ECI1: variants seen among roughly 807,000 people sequenced by gnomAD.
The protein encoded by ECI1 is enoyl-CoA delta isomerase 1, also known as enoyl-CoA delta isomerase 1, mitochondrial.
In ECI1, 34 loss-of-function variants were observed where a neutral mutation model predicts 34.2. The observed-to-expected ratio is 1.00, with a 90% CI of 0.76 to 1.33. The LOEUF (loss-of-function observed/expected upper bound fraction) is 1.33, where lower values mean the gene tolerates loss of function less well. ECI1 is among the 40% of genes most tolerant of loss of function. ECI1 has a pLI of 0.00. For synonymous variants in ECI1, 211 were observed against 193.0 expected, an observed-to-expected ratio of 1.09 and a Z score of -0.77; for missense variants, 456 against 422.2, an observed-to-expected ratio of 1.08 and a Z score of -0.70.
intron 6 of ECI1, among the ~76,000 whole-genome samples, chr16:2,241,476 T>C (rs1055717282): frequency 2.6e-5 from 4 of 152,052 alleles, no homozygotes; most frequent in Non-Finnish European, 4.4e-5. Flanking sequence ...TTTGTATTTT[T>C]AGTAGAGACG....
intron 2 of ECI1, among the ~76,000 whole-genome samples, chr16:2,249,559 T>C (rs1282296076): frequency 1.3e-5 from 2 of 151,550 alleles, no homozygotes; most frequent in African/African-American, 4.8e-5. Context: ...CTCGAGTGCC[T>C]CCCCACTTTA....
rs1334330654 is a variant in ECI1, at chr16:2,244,469, C to A, written c.378G>T (p.Lys126Asn). Reference protein sequence around the residue: ...RSPAHYAGYWKAVQELWLRLY... With the variant: ...RSPAHYAGYWNAVQELWLRLY... ...ACCGCAGCCACAGCTCCTGAACGGC[C>A]TTCCAGTACCCAGCGTAGTGGGCGG... The change falls in exon 4 of 7, where the codon AAG becomes AAT. Residue 126 changes from lysine (K) to asparagine (N), a missense_variant. Physicochemically the swap from Lys to Asn is moderately conservative, Grantham distance 94. Coordinates refer to ENST00000301729, the MANE Select transcript of ECI1 (RefSeq NM_001919.4). 22 of 1,611,974 alleles carry A rather than the reference C, an allele frequency of 1.4e-5. No individual in the cohort carries two copies. The highest frequency in any genetic ancestry group is 1.9e-5 in the Non-Finnish European group (22 of 1,179,566).
At position 2,243,304 on chromosome 16, in the gene ECI1, G is replaced by A; in HGVS notation, c.563+14C>T. Reference sequence around the variant, plus strand: ...ACAACAAGCATGGAGCGTGGCTGCAGCCCAGGGCCTTACCAGAAAGGGGCG... The same window carrying A: ...ACAACAAGCATGGAGCGTGGCTGCAACCCAGGGCCTTACCAGAAAGGGGCG... On this transcript the variant is annotated intron_variant, in intron 5 of 6. Coordinates refer to ENST00000301729, the MANE Select transcript of ECI1 (RefSeq NM_001919.4). 1 of 1,613,530 alleles carries A rather than the reference G, an allele frequency of 6.2e-7. No homozygotes were observed. Among genetic ancestry groups the A allele is most frequent in the Non-Finnish European group, 8.5e-7 (1 of 1,180,014 alleles).
rs150691746 is a variant in ECI1, at chr16:2,244,405, C to T, written c.441+1G>A. 34 of 1,611,966 alleles carry T rather than the reference C, an allele frequency of 2.1e-5. No individual in the cohort carries two copies. The highest frequency in any genetic ancestry group is 1.6e-4 in the Middle Eastern group (1 of 6,084). Reference sequence around the variant, plus strand: ...GGCCACCTGGGAGTGGGGACACTCACGTTGATGGCGGAGACCAGCACCAGG... The same window carrying T: ...GGCCACCTGGGAGTGGGGACACTCATGTTGATGGCGGAGACCAGCACCAGG... On this transcript the variant is annotated splice_donor_variant, in intron 4 of 6. Transcript: ENST00000301729. LOFTEE classifies it high-confidence loss of function.
intron 3 of ECI1, 89 bp downstream of exon 3, chr16:2,246,770 G>C (rs1183658264): frequency 6.3e-6 from 10 of 1,592,966 alleles, no homozygotes; most frequent in Admixed American, 1.7e-5. Flanking sequence ...GGCAGGCTCT[G>C]CCTCTTCCAT....
Position 2,243,085 on chromosome 16 carries a change from T to G in ECI1, c.703A>C (p.Thr235Pro), listed in dbSNP as rs752182585. 1 of 1,605,054 alleles carries G rather than the reference T, an allele frequency of 6.2e-7. No individual in the cohort carries two copies. The change falls in exon 6 of 7, where the codon ACT becomes CCT. Residue 235 changes from threonine (T) to proline (P), a missense_variant. Coordinates refer to ENST00000301729, the MANE Select transcript of ECI1 (RefSeq NM_001919.4). ...QVVPEEQVQSTALSAIAQWMA... is the reference protein window; with the variant it reads ...QVVPEEQVQSPALSAIAQWMA... ...CACTGGGCTATCGCTGACAGCGCAG[T>G]GCTCTGCACCTGCTCCTCCGGGACC...
intron 4 of ECI1, among the ~76,000 whole-genome samples, chr16:2,243,749 T>A (rs1439161020): frequency 1.3e-5 from 2 of 152,190 alleles, no homozygotes; most frequent in Non-Finnish European, 2.9e-5. Context: ...CTCTCAGTGC[T>A]TTTACTCAAT....
rs140542033 is a variant in ECI1 at position 2,240,051 on chromosome 16, G to C, written c.837C>G (p.Ser279Arg). 1.9e-6 allele frequency: 3 copies of C among 1,614,028 alleles called. No individual in the cohort carries two copies. The highest frequency in any genetic ancestry group is 2.5e-6 in the Non-Finnish European group (3 of 1,180,026). ...TCTGGATGGAGTCTTTGGAGATGAAGCTGACGAAGTTCTGCACGTCCGCAT... is the reference window on the plus strand; with the variant it reads ...TCTGGATGGAGTCTTTGGAGATGAACCTGACGAAGTTCTGCACGTCCGCAT... ...QRDADVQNFV[S>R]FISKDSIQKS... Residue 279 changes from serine to arginine, a missense_variant, in exon 7 of 7, where the codon AGC becomes AGG. Ser to Arg is a moderately radical substitution (Grantham distance 110). Coordinates refer to ENST00000301729, the MANE Select transcript of ECI1 (RefSeq NM_001919.4).
In ECI1 at chr16:2,239,942, G is replaced by T. The variant is rs760295331; in HGVS notation, c.*37C>A. On this transcript the variant is annotated 3_prime_UTR_variant, in exon 7 of 7. Coordinates refer to ENST00000301729, the MANE Select transcript of ECI1 (RefSeq NM_001919.4). Reference sequence around the variant, plus strand: ...TTTAAGACCTCCCTGGGACCCACAGGGGCACGTGTGGCCGTAAGCCTGTGG... The same window carrying T: ...TTTAAGACCTCCCTGGGACCCACAGTGGCACGTGTGGCCGTAAGCCTGTGG... 1.9e-6 allele frequency: 3 copies of T among 1,610,584 alleles called. No homozygotes were observed. Among genetic ancestry groups the T allele is most frequent in the Non-Finnish European group, 2.5e-6 (3 of 1,177,484 alleles).
rs2093523017 is a variant in ECI1, at chr16:2,239,617, A to G, written c.*362T>C. ...ATGGGGGCCAAGACCACCTGGCCTT[A>G]CACCTAAGAGCAGGCAGTCCAAAGG... is the stretch of plus-strand genomic sequence containing the variant. On this transcript the variant is annotated 3_prime_UTR_variant, in exon 7 of 7. Coordinates refer to ENST00000301729, the MANE Select transcript of ECI1 (RefSeq NM_001919.4). The G allele has an allele frequency of 2.8e-6, 1 of 358,888 alleles. No individual in the cohort carries two copies. The highest frequency in any genetic ancestry group is 5.4e-6 in the Non-Finnish European group (1 of 184,348). 22.2% of individuals were successfully genotyped at this position (358,888 alleles called of 1,614,324 possible). A position where few individuals can be genotyped will look rare whatever the true frequency, so the allele number is the denominator to read the frequency against.
chr16:2,243,151 G>C lies in ECI1; in HGVS notation c.637C>G (p.Pro213Ala), dbSNP rs747029298. 4.4e-6 allele frequency: 7 copies of C among 1,607,202 alleles called. No homozygotes were observed. Among genetic ancestry groups the C allele is most frequent in the Non-Finnish European group, 4.2e-6 (5 of 1,179,774 alleles). ...CCCACCTGCAGGGCCTCCGCCGGCG[G>C]GAAGAGCAGCCCCAGCTGCAGGGCA... ...ERALQLGLLFPPAEALQVGIV... is the reference protein window; with the variant it reads ...ERALQLGLLFAPAEALQVGIV... The change falls in exon 6 of 7, where the codon CCG (proline) becomes GCG (alanine). Residue 213 changes from proline (P) to alanine (A), a missense_variant. Transcript: ENST00000301729.
rs116919753 is a variant in ECI1, at chr16:2,246,040, T to A, written c.294+819A>T. On this transcript the variant is annotated intron_variant, in intron 3 of 6. Coordinates refer to ENST00000301729, the MANE Select transcript of ECI1 (RefSeq NM_001919.4). ...GCAGATCACTTGAGGTCAGGAGTTC[T>A]AGGCCAGGCCCTGTAAAGCCACGCC... 6.2e-3 allele frequency among the ~76,000 whole-genome samples: 944 copies of A among 152,196 alleles called. 9 individuals are homozygous for A. The highest frequency in any genetic ancestry group is 8.3e-3 in the Non-Finnish European group (562 of 68,006).
chr16:2,246,710 C>G, intron 3 of ECI1, 149 bp downstream of exon 3: 1 of 1,224,446 alleles, frequency 8.2e-7, no homozygotes, highest in Non-Finnish European at 1.2e-6. Context: ...CCCGTGAAGG[C>G]GCCTGGAGTC....
chr16:2,250,447 G>A (rs1156494769), intron 2 of ECI1, among the ~76,000 whole-genome samples: 3 of 152,072 alleles, frequency 2.0e-5, no homozygotes, highest in East Asian at 1.9e-4. Context: ...AGTCTGGGGG[G>A]TTGGGGAGGG....
intron 2 of ECI1, among the ~76,000 whole-genome samples, chr16:2,250,097 A>T (rs2141511755): frequency 6.7e-6 from 1 of 149,644 alleles, no homozygotes; most frequent in African/African-American, 2.4e-5. Flanking sequence ...TCAGAAACTC[A>T]GTTTTTACAA....
intron 3 of ECI1, among the ~76,000 whole-genome samples, chr16:2,244,774 C>T (rs1201529769): frequency 6.6e-6 from 1 of 152,240 alleles, no homozygotes; most frequent in East Asian, 1.9e-4. Context: ...CTTCCCTTTC[C>T]CGCTTCAAAC....
intron 2 of ECI1, among the ~76,000 whole-genome samples, chr16:2,247,276 A>C (rs528123288): frequency 6.6e-6 from 1 of 151,768 alleles, no homozygotes; most frequent in East Asian, 1.9e-4. Context: ...TTTTTCTTTT[A>C]AGTAGAGACA....
intron 3 of ECI1, among the ~76,000 whole-genome samples, chr16:2,245,869 A>G (rs910289241): frequency 7.9e-5 from 12 of 152,118 alleles, no homozygotes; most frequent in African/African-American, 2.9e-4. Flanking sequence ...AATTTTCAAG[A>G]TTCAAGAATC....
chr16:2,251,283 C>CT, intron 2 of ECI1, 33 bp downstream of exon 2: 1 of 1,086,406 alleles, frequency 9.2e-7, no homozygotes, highest in Non-Finnish European at 1.1e-6. Flanking sequence ...GTCCTGACCC[C>CT]ACGCCCGCCC....
Sources: allele counts gnomAD v4.1 joint callset (sites outside exome capture counted in the v4.1 genomes callset), GRCh38; gene constraint gnomAD v4.1.1; transcripts MANE v1.5; gene names NCBI Gene and HGNC (gene_info 2026-07-23, HGNC 2026-07-21).